COL25A1: variants seen among roughly 807,000 people sequenced by gnomAD.
The protein encoded by COL25A1 is collagen alpha-1(XXV) chain.
In COL25A1, 103 loss-of-function variants were observed where a neutral mutation model predicts 128.4. The ratio of observed to expected loss-of-function variants is 0.80; its 90% confidence interval spans 0.68 to 0.94. COL25A1 has a LOEUF of 0.94. COL25A1 is among the 40% of genes least tolerant of loss of function. The probability of loss-of-function intolerance (pLI) is 0.00; values close to 1 mark genes in which losing one functional copy is unlikely to be tolerated. For missense variants in COL25A1, 745 were observed against 840.0 expected (o/e 0.89, Z 1.40); for synonymous variants, 279 against 277.2 (o/e 1.01, Z -0.06).
intron 8 of COL25A1, among the ~76,000 whole-genome samples, chr4:108,958,083 A>G (rs1438105133): frequency 6.6e-6 from 1 of 152,116 alleles, no homozygotes; most frequent in African/African-American, 2.4e-5. Context: ...ATCTCATTAA[A>G]TTCTATATTT....
chr4:108,814,261 C>T (rs142682065), intron 37 of COL25A1, among the ~76,000 whole-genome samples: 63 of 152,250 alleles, frequency 4.1e-4, no homozygotes, highest in African/African-American at 1.3e-3. Context: ...ATGTTTATCA[C>T]ATATGTACCA....
At chr4:109,080,078 C>A (rs1025997612) in intron 3 of COL25A1, among the ~76,000 whole-genome samples, 6 of 151,940 alleles carry the variant, frequency 3.9e-5, no homozygotes, top group African/African-American at 1.4e-4. Context: ...TTATCATTAC[C>A]CCCACCACAC....
At chr4:109,060,113 A>G (rs1761826582) in intron 3 of COL25A1, among the ~76,000 whole-genome samples, 1 of 152,214 alleles carries the variant, frequency 6.6e-6, no homozygotes, top group Admixed American at 6.5e-5. Flanking sequence ...AAAGGGCTTC[A>G]GAACGTTTAT....
chr4:108,819,691 G>A (rs576671928), intron 35 of COL25A1: 1 of 447,114 alleles, frequency 2.2e-6, no homozygotes, highest in East Asian at 3.5e-5. Flanking sequence ...TGGGTATCTT[G>A]AAGTCCATGT....
rs1730604659 is a variant in COL25A1 at position 108,809,173 on chromosome 4, T to C, written c.*4754A>G. The C allele has an allele frequency of 7.9e-6, 1 of 126,230 alleles. No homozygotes were observed. 7.8% of individuals were successfully genotyped at this position (126,230 alleles called of 1,614,324 possible). ...ACATTTAAAAAAATATGCAGTGTAA[T>C]GCTTGCCAAAATATTTTTTTTTGCA... On this transcript the variant is annotated 3_prime_UTR_variant, in exon 38 of 38. Coordinates refer to ENST00000399132, the MANE Select transcript of COL25A1 (RefSeq NM_198721.4).
intron 3 of COL25A1, among the ~76,000 whole-genome samples, chr4:109,088,805 G>A (rs1421204197): frequency 6.6e-6 from 1 of 152,114 alleles, no homozygotes; most frequent in Non-Finnish European, 1.5e-5. Flanking sequence ...TGGTGATTTG[G>A]ACAAGAGAAT....
intron 3 of COL25A1, among the ~76,000 whole-genome samples, chr4:109,055,451 C>G (rs1761369999): frequency 6.6e-6 from 1 of 152,208 alleles, no homozygotes; most frequent in Non-Finnish European, 1.5e-5. Context: ...AACCTGCCCA[C>G]AGTCCCACAC....
chr4:109,103,360 T>G (rs1022206546), intron 3 of COL25A1, among the ~76,000 whole-genome samples: 1 of 152,210 alleles, frequency 6.6e-6, no homozygotes, highest in Non-Finnish European at 1.5e-5. Context: ...ATGCTCCTTT[T>G]GGTAGCATTA....
intron 3 of COL25A1, among the ~76,000 whole-genome samples, chr4:109,228,190 A>T (rs1158131873): frequency 1.3e-5 from 2 of 152,024 alleles, no homozygotes; most frequent in African/African-American, 4.8e-5. Context: ...GTTCACTCAG[A>T]CTCACACTAA....
chr4:108,820,447 A>G (rs77036437), intron 35 of COL25A1, among the ~76,000 whole-genome samples: 4,047 of 152,328 alleles, frequency 0.027, 75 homozygotes, highest in Non-Finnish European at 0.039. Context: ...AAAATATTCA[A>G]TATCTTAAAA....
In COL25A1 at chr4:108,809,238, A is replaced by T. The variant is rs1236845274; in HGVS notation, c.*4689T>A. The T allele has an allele frequency of 6.6e-6, 1 of 152,098 alleles. No homozygotes were observed. Among genetic ancestry groups the T allele is most frequent in the Non-Finnish European group, 1.5e-5 (1 of 67,980 alleles). The allele number at this position is 152,098 out of a possible 1,614,324, so 9.4% of individuals were successfully genotyped here. On this transcript the variant is annotated 3_prime_UTR_variant, in exon 38 of 38. Coordinates refer to ENST00000399132, the MANE Select transcript of COL25A1 (RefSeq NM_198721.4). ...TGTATTTATGTGAGTTTTTGGCAAT[A>T]TAAAAATAGCTGCACATAGAGATGA...
At chr4:109,081,557 T>A (rs922781146) in intron 3 of COL25A1, among the ~76,000 whole-genome samples, 9 of 152,208 alleles carry the variant, frequency 5.9e-5, no homozygotes, top group Admixed American at 5.9e-4. Context: ...ATTAGTATAT[T>A]CATAGATATG....
At chr4:109,105,583 T>C (rs576730079) in intron 3 of COL25A1, among the ~76,000 whole-genome samples, 3 of 149,404 alleles carry the variant, frequency 2.0e-5, no homozygotes, top group Admixed American at 2.0e-4. Flanking sequence ...CATTAAATAA[T>C]CTTGTTGGTG....
chr4:108,957,647 T>G (rs1750221629), intron 8 of COL25A1, among the ~76,000 whole-genome samples: 1 of 152,214 alleles, frequency 6.6e-6, no homozygotes, highest in Non-Finnish European at 1.5e-5. Context: ...AGTCTGCTTT[T>G]TAAAAGAGTG....
At chr4:109,008,237 C>T (rs1024715508) in intron 6 of COL25A1, among the ~76,000 whole-genome samples, 1 of 152,206 alleles carries the variant, frequency 6.6e-6, no homozygotes, top group African/African-American at 2.4e-5. Flanking sequence ...TGAACGTCAA[C>T]AGTAAAGGCA....
intron 3 of COL25A1, among the ~76,000 whole-genome samples, chr4:109,130,130 C>CAT (rs1175867271): frequency 6.7e-6 from 1 of 149,418 alleles, no homozygotes; most frequent in Non-Finnish European, 1.5e-5. Context: ...TACATACATA[C>CAT]ATATATATAT....
intron 3 of COL25A1, among the ~76,000 whole-genome samples, chr4:109,160,295 G>A (rs572486162): frequency 3.3e-5 from 5 of 152,212 alleles, no homozygotes; most frequent in African/African-American, 9.6e-5. Context: ...TTGAACATAC[G>A]TGTAAAGTTG....
chr4:109,041,908 T>C (rs1759938900), intron 5 of COL25A1, among the ~76,000 whole-genome samples: 1 of 152,114 alleles, frequency 6.6e-6, no homozygotes, highest in South Asian at 2.1e-4. Context: ...ATTTTTACTA[T>C]GGTAAGCCAC....
At chr4:108,942,466 T>C (rs538913311) in intron 8 of COL25A1, among the ~76,000 whole-genome samples, 29 of 151,806 alleles carry the variant, frequency 1.9e-4, no homozygotes, top group African/African-American at 6.8e-4. Flanking sequence ...CTTTTTAAGA[T>C]GAAGTCTCAC....
Sources: allele counts gnomAD v4.1 joint callset (sites outside exome capture counted in the v4.1 genomes callset), GRCh38; gene constraint gnomAD v4.1.1; transcripts MANE v1.5; gene names NCBI Gene and HGNC (gene_info 2026-07-23, HGNC 2026-07-21).